The following DPP6 variants were observed in gnomAD, a reference collection of about 807,000 sequenced individuals.
The protein encoded by DPP6 is A-type potassium channel modulatory protein DPP6.
In DPP6, 69 loss-of-function variants were observed where a neutral mutation model predicts 122.6. The ratio of observed to expected loss-of-function variants is 0.56; its 90% confidence interval spans 0.46 to 0.69. The LOEUF is 0.69. DPP6 is among the 30% of genes least tolerant of loss of function. The probability of loss-of-function intolerance (pLI) is 0.00; values close to 1 mark genes in which losing one functional copy is unlikely to be tolerated. For missense variants in DPP6, 928 were observed against 1,116.9 expected (o/e 0.83, Z 2.41); for synonymous variants, 418 against 433.1 (o/e 0.97, Z 0.43).
chr7:153,961,555 A>G (rs976475036), intron 1 of DPP6, among the ~76,000 whole-genome samples: 3 of 150,666 alleles, frequency 2.0e-5, no homozygotes, highest in African/African-American at 4.9e-5. Context: ...TTTTCCATGG[A>G]CCGGGGAGTG....
chr7:154,875,644 C>T lies in DPP6; in HGVS notation c.1884-262C>T, dbSNP rs143748437. 1.2e-3 allele frequency among the ~76,000 whole-genome samples: 182 copies of T among 152,204 alleles called. No individual in the cohort carries two copies. Among genetic ancestry groups the T allele is most frequent in the African/African-American group, 4.2e-3 (174 of 41,522 alleles). The stretch of plus-strand genomic sequence containing the variant: ...CACCAAATAGATGCTTTTTGGTGGC[C>T]GTCCCAGACAGCGCCGGTGTGTGTA... On this transcript the variant is annotated intron_variant, in intron 19 of 25. Transcript: ENST00000377770. The surrounding 1 kb of genome is among the most constrained non-coding windows in gnomAD (Gnocchi z 4.5).
At chr7:154,256,541 T>G (rs1296292911) in intron 1 of DPP6, among the ~76,000 whole-genome samples, 1 of 152,254 alleles carries the variant, frequency 6.6e-6, no homozygotes, top group Non-Finnish European at 1.5e-5. Context: ...CACCTATCTG[T>G]AGCCTCCAAA....
intron 5 of DPP6, among the ~76,000 whole-genome samples, chr7:154,629,321 T>G (rs1168386699): frequency 1.3e-5 from 2 of 152,220 alleles, no homozygotes; most frequent in East Asian, 3.8e-4. Flanking sequence ...AGCTTCTTTT[T>G]GGTGCTTTTA....
the DPP6 span, among the ~76,000 whole-genome samples, chr7:153,792,944 C>T: frequency 1.1e-4 from 16 of 152,222 alleles, no homozygotes; most frequent in South Asian, 6.2e-4. Flanking sequence ...CTCTTGCCAC[C>T]GCCATGTAAG....
intron 1 of DPP6, among the ~76,000 whole-genome samples, chr7:154,267,234 A>G (rs959529237): frequency 6.6e-6 from 1 of 151,290 alleles, no homozygotes; most frequent in Admixed American, 6.6e-5. Flanking sequence ...AGTAAGATAT[A>G]ATAGATTTTC....
At chr7:154,159,747 T>C (rs1270758418) in intron 1 of DPP6, among the ~76,000 whole-genome samples, 2 of 152,288 alleles carry the variant, frequency 1.3e-5, no homozygotes, top group African/African-American at 2.4e-5. Context: ...GGTCCTTCTA[T>C]ACAGGTTATT....
chr7:154,225,829 C>T (rs1422963559), intron 1 of DPP6, among the ~76,000 whole-genome samples: 2 of 152,096 alleles, frequency 1.3e-5, no homozygotes, highest in Non-Finnish European at 2.9e-5. Context: ...TTAGAATCCC[C>T]CATCTACCAA....
chr7:154,386,387 G>A (rs1389940867), intron 1 of DPP6, among the ~76,000 whole-genome samples: 2 of 151,968 alleles, frequency 1.3e-5, no homozygotes, highest in Admixed American at 1.3e-4. Context: ...AAGATTTGCA[G>A]GAGGAGACTG....
At chr7:154,500,557 T>TGA (rs1489299381) in intron 3 of DPP6, among the ~76,000 whole-genome samples, 2 of 152,156 alleles carry the variant, frequency 1.3e-5, no homozygotes, top group East Asian at 3.9e-4. Flanking sequence ...ATGAGTCTCA[T>TGA]GAGATCTGAT....
intron 1 of DPP6, among the ~76,000 whole-genome samples, chr7:154,024,167 T>C (rs1358816909): frequency 1.3e-5 from 2 of 152,182 alleles, no homozygotes; most frequent in Non-Finnish European, 2.9e-5. Context: ...ACAGTATTTA[T>C]CACTTGAATT....
chr7:153,849,131 T>C, the DPP6 span, among the ~76,000 whole-genome samples: 1 of 152,194 alleles, frequency 6.6e-6, no homozygotes, highest in African/African-American at 2.4e-5. Context: ...TATTTTCTTC[T>C]ACTGAAATAT....
intron 1 of DPP6, among the ~76,000 whole-genome samples, chr7:153,916,709 CT>C (rs1462783267): frequency 6.6e-6 from 1 of 151,970 alleles, no homozygotes. Context: ...ACCCGGCCTT[CT>C]TTTTTATTTT....
At chr7:154,430,759 T>C (rs1818286236) in intron 1 of DPP6, among the ~76,000 whole-genome samples, 1 of 152,198 alleles carries the variant, frequency 6.6e-6, no homozygotes, top group African/African-American at 2.4e-5. Flanking sequence ...TTATGTTGTC[T>C]TTAATCCTCA....
intron 1 of DPP6, among the ~76,000 whole-genome samples, chr7:154,000,566 CAGCCAGGCTG>C (rs1797643668): frequency 6.6e-6 from 1 of 152,330 alleles, no homozygotes; most frequent in East Asian, 1.9e-4. Context: ...AAGTTGGCAC[CAGCCAGGCTG>C]AGTACAGAGG....
At chr7:154,769,649 C>T (rs1796128799) in intron 9 of DPP6, 78 bp downstream of exon 9, 5 of 1,422,936 alleles carry the variant, frequency 3.5e-6, no homozygotes, top group Non-Finnish European at 4.6e-6. Flanking sequence ...AGTGTGCAGA[C>T]GTGATCATCA....
At chr7:154,672,311 A>C (rs1838619545) in intron 7 of DPP6, among the ~76,000 whole-genome samples, 1 of 152,224 alleles carries the variant, frequency 6.6e-6, no homozygotes, top group Admixed American at 6.5e-5. Flanking sequence ...TCTTCATAGC[A>C]GCATGAGAAC....
chr7:153,817,530 AC>A, the DPP6 span, among the ~76,000 whole-genome samples: 2 of 151,784 alleles, frequency 1.3e-5, no homozygotes, highest in Non-Finnish European at 2.9e-5. Context: ...GATAAAAGTC[AC>A]TGTATTGCAT....
At chr7:154,437,099 T>G (rs1021529368) in intron 1 of DPP6, among the ~76,000 whole-genome samples, 1 of 152,154 alleles carries the variant, frequency 6.6e-6, no homozygotes, top group Non-Finnish European at 1.5e-5. Context: ...CTGGTACCTG[T>G]GACTATGTTA....
At position 154,714,766 on chromosome 7, in the gene DPP6, C is replaced by G. The variant is rs1041070424; in HGVS notation, c.763-13001C>G. On this transcript the variant is annotated intron_variant, in intron 7 of 25. Transcript: ENST00000377770. Reference sequence around the variant, plus strand: ...GAACCTTCACAGAATTTACTATAACCTTGAGTGTATAAGCCATATTTATGC... The same window carrying G: ...GAACCTTCACAGAATTTACTATAACGTTGAGTGTATAAGCCATATTTATGC... Among the ~76,000 whole-genome samples, 4 of 152,164 alleles carry G rather than the reference C, an allele frequency of 2.6e-5. No homozygotes were observed. The East Asian group carries it at 5.8e-4, about 22-fold the overall frequency.
Sources: allele counts gnomAD v4.1 joint callset (sites outside exome capture counted in the v4.1 genomes callset), GRCh38; gene constraint gnomAD v4.1.1; non-coding constraint Gnocchi (gnomAD v3.1); transcripts MANE v1.5; gene names NCBI Gene and HGNC (gene_info 2026-07-23, HGNC 2026-07-21).